The following FILIP1L variants were observed in gnomAD, a reference collection of about 807,000 sequenced individuals.
FILIP1L encodes filamin A-interacting protein 1-like.
FILIP1L carries 55 observed loss-of-function variants against 96.6 expected under a neutral mutation model. The observed-to-expected ratio is 0.57, with a 90% CI of 0.46 to 0.71. The LOEUF is 0.71. Ranked by LOEUF, FILIP1L falls within the 30% of genes least tolerant of loss-of-function variation. The pLI, the probability that FILIP1L is intolerant of heterozygous loss-of-function variation, is 0.00. For missense variants in FILIP1L, 1,304 were observed against 1,321.2 expected, an observed-to-expected ratio of 0.99 and a Z score of 0.20; for synonymous variants, 467 against 473.9, an observed-to-expected ratio of 0.99 and a Z score of 0.19.
At chr3:99,966,983 T>A (rs534907905) in intron 1 of FILIP1L, among the ~76,000 whole-genome samples, 3 of 152,214 alleles carry the variant, frequency 2.0e-5, no homozygotes, top group African/African-American at 7.2e-5. Context: ...GGGGATTGGA[T>A]GGCTGTTAGG....
chr3:100,037,961 G>GC (rs1293985998), intron 1 of FILIP1L, among the ~76,000 whole-genome samples: 2 of 132,516 alleles, frequency 1.5e-5, no homozygotes, highest in Non-Finnish European at 3.2e-5. Flanking sequence ...TTTTTTGGGG[G>GC]GGGAGGGAAC....
At chr3:100,009,641 A>G (rs1239768790) in intron 1 of FILIP1L, among the ~76,000 whole-genome samples, 2 of 152,208 alleles carry the variant, frequency 1.3e-5, no homozygotes, top group African/African-American at 2.4e-5. Flanking sequence ...CAAACAGCCA[A>G]AACATCTAAG....
rs537860126 is a variant in FILIP1L at position 99,890,711 on chromosome 3, A to G, written c.605+33519T>C. ...TCTATAGTCTTTTACTTTTTAAACT[A>G]GAAATACCAATCCGCTGTTTTTTTT... On this transcript the variant is annotated intron_variant, in intron 4 of 5. Transcript: ENST00000477258. Among the ~76,000 whole-genome samples, 7 of 151,680 alleles carry G rather than the reference A, an allele frequency of 4.6e-5. No individual in the cohort carries two copies. The East Asian group carries it at 1.3e-3, about 29-fold the overall frequency.
At chr3:99,854,439 A>G (rs191570724) in intron 4 of FILIP1L, among the ~76,000 whole-genome samples, 1 of 152,202 alleles carries the variant, frequency 6.6e-6, no homozygotes, top group East Asian at 1.9e-4. Context: ...AGAACTCTGC[A>G]GATCTAAAAT....
intron 1 of FILIP1L, among the ~76,000 whole-genome samples, chr3:99,984,898 T>G (rs191762829): frequency 2.7e-3 from 412 of 152,156 alleles, no homozygotes; most frequent in Non-Finnish European, 4.4e-3. Context: ...CAGGATTAGG[T>G]TAATAAGGAA....
chr3:99,991,590 C>T (rs1283529752), intron 1 of FILIP1L, among the ~76,000 whole-genome samples: 1 of 151,850 alleles, frequency 6.6e-6, no homozygotes, highest in African/African-American at 2.4e-5. Flanking sequence ...ATTTTTCAAC[C>T]CTCACCCCCC....
chr3:100,040,953 C>G (rs1318363262), intron 1 of FILIP1L: 1 of 152,134 alleles, frequency 6.6e-6, no homozygotes, highest in East Asian at 1.9e-4. Flanking sequence ...GTTTTTATAA[C>G]GAGTTCATGT....
intron 1 of FILIP1L, among the ~76,000 whole-genome samples, chr3:99,966,697 G>A (rs1458051157): frequency 2.6e-5 from 4 of 152,184 alleles, no homozygotes; most frequent in Non-Finnish European, 5.9e-5. Context: ...CTAGGTGGAT[G>A]AAAATAGAAT....
chr3:99,878,842 A>G (rs1214704243), intron 4 of FILIP1L, among the ~76,000 whole-genome samples: 4 of 152,248 alleles, frequency 2.6e-5, no homozygotes, highest in Non-Finnish European at 4.4e-5. Flanking sequence ...CATTGGCCAC[A>G]TAAGTAGATG....
intron 1 of FILIP1L, among the ~76,000 whole-genome samples, chr3:99,943,300 C>T (rs181713555): frequency 2.0e-5 from 3 of 152,236 alleles, no homozygotes; most frequent in Admixed American, 2.0e-4. Context: ...AATGTGTCAG[C>T]CCTGACACTT....
At chr3:100,080,612 T>A (rs2107402645) in intron 1 of FILIP1L, among the ~76,000 whole-genome samples, 1 of 152,330 alleles carries the variant, frequency 6.6e-6, no homozygotes, top group East Asian at 1.9e-4. Context: ...TGGTTAGGTA[T>A]GAAGGAGTGA....
chr3:99,905,212 C>G (rs1341727575), intron 4 of FILIP1L, among the ~76,000 whole-genome samples: 4 of 152,228 alleles, frequency 2.6e-5, no homozygotes, highest in African/African-American at 9.6e-5. Context: ...TATTTCTCCC[C>G]TGGGACTATC....
chr3:100,061,538 A>G (rs1452274750), intron 1 of FILIP1L, among the ~76,000 whole-genome samples: 1 of 152,250 alleles, frequency 6.6e-6, no homozygotes, highest in Non-Finnish European at 1.5e-5. Context: ...GAAAAGAAGA[A>G]GAGAAAGAAG....
At chr3:99,873,651 T>G (rs1705356651) in intron 4 of FILIP1L, among the ~76,000 whole-genome samples, 1 of 152,174 alleles carries the variant, frequency 6.6e-6, no homozygotes, top group Non-Finnish European at 1.5e-5. Context: ...AATCCATTTA[T>G]TACCAAAGGC....
At chr3:100,021,915 T>TTGTGTGTGTG (rs61704772) in intron 1 of FILIP1L, among the ~76,000 whole-genome samples, 22 of 106,012 alleles carry the variant, frequency 2.1e-4, no homozygotes, top group South Asian at 7.4e-4. Context: ...CTAGATCCCA[T>TTGTGTGTGTG]TGTGTGTGTG....
intron 1 of FILIP1L, among the ~76,000 whole-genome samples, chr3:100,037,214 CT>C (rs2065122446): frequency 6.6e-6 from 1 of 151,620 alleles, no homozygotes; most frequent in African/African-American, 2.4e-5. Context: ...TTTCTTTATT[CT>C]TAGGAAAATA....
chr3:99,893,323 G>A (rs1390929661), intron 4 of FILIP1L, among the ~76,000 whole-genome samples: 3 of 151,766 alleles, frequency 2.0e-5, no homozygotes, highest in Non-Finnish European at 4.4e-5. Flanking sequence ...CTGCCACCAC[G>A]CCCGGCTAAT....
chr3:100,053,753 T>A (rs752403086), intron 1 of FILIP1L, among the ~76,000 whole-genome samples: 61 of 152,248 alleles, frequency 4.0e-4, no homozygotes, highest in Non-Finnish European at 6.6e-4. Flanking sequence ...GTTATCTTTC[T>A]TACCTGGAAA....
chr3:100,048,913 A>C (rs890748584), intron 1 of FILIP1L, among the ~76,000 whole-genome samples: 1 of 152,260 alleles, frequency 6.6e-6, no homozygotes, highest in Non-Finnish European at 1.5e-5. Flanking sequence ...GGACTTGGAC[A>C]GTTATGGAAA....
Sources: gnomAD v4.1 joint callset for allele counts (sites outside exome capture counted in the v4.1 genomes callset) on GRCh38, gnomAD v4.1.1 for gene constraint, MANE v1.5 for transcripts, NCBI Gene and HGNC (gene_info 2026-07-23, HGNC 2026-07-21) for gene names.